Variants in SERPIND1 observed in about 807,000 individuals in gnomAD.
The protein encoded by SERPIND1 is serpin family D member 1, also known as heparin cofactor 2.
A neutral mutation model predicts 35.0 loss-of-function variants in SERPIND1; 34 were observed. That is an observed-to-expected ratio of 0.97 (90% CI 0.74 to 1.29). The LOEUF is 1.29. Among genes scored for constraint, SERPIND1 ranks in the 50% most tolerant of loss-of-function variants. The probability of loss-of-function intolerance (pLI) is 0.00; values close to 1 mark genes in which losing one functional copy is unlikely to be tolerated. For missense variants in SERPIND1, 633 were observed against 637.7 expected (o/e 0.99, Z 0.08); for synonymous variants, 236 against 241.1 (o/e 0.98, Z 0.19).
rs773235940 is a variant in SERPIND1 at position 20,780,124 on chromosome 22, A to G, written c.812A>G (p.Lys271Arg). ...KTNNHIMKLTKGLIKDALENI... is the reference protein window; with the variant it reads ...KTNNHIMKLTRGLIKDALENI... ...AACAACCACATCATGAAGCTCACCA[A>G]GGGCCTCATAAAAGATGCTCTGGAG... The change falls in exon 2 of 5, where the codon AAG becomes AGG. Residue 271 changes from lysine to arginine, a missense_variant. Coordinates refer to ENST00000215727, the MANE Select transcript of SERPIND1 (RefSeq NM_000185.4). The G allele has an allele frequency of 3.7e-6, 6 of 1,614,200 alleles. No individual in the cohort carries two copies. Among genetic ancestry groups the G allele is most frequent in the Non-Finnish European group, 5.1e-6 (6 of 1,180,026 alleles).
At chr22:20,783,924 T>G in intron 2 of SERPIND1, 48 bp from the exon 3 acceptor site, 1 of 1,613,142 alleles carries the variant, frequency 6.2e-7, no homozygotes, top group Non-Finnish European at 8.5e-7. Flanking sequence ...TGAGACGATT[T>G]CCCTAAAGGA....
In SERPIND1 at chr22:20,780,008, C is replaced by A; in HGVS notation, c.696C>A (p.Ile232=). 4 of 1,614,152 alleles carry A rather than the reference C, an allele frequency of 2.5e-6. No homozygotes were observed. Among genetic ancestry groups the A allele is most frequent in the Non-Finnish European group, 3.4e-6 (4 of 1,180,030 alleles). ...TTTATATCCAGAAGCAGTTTCCAAT[C>A]CTGCTTGACTTCAAAACTAAAGTAA... is the stretch of plus-strand genomic sequence containing the variant. ...NDLYIQKQFP[I]LLDFKTKVRE... Residue 232 remains isoleucine (I), a synonymous_variant, in exon 2 of 5, where the codon ATC becomes ATA. Transcript: ENST00000215727.
Position 20,784,087 on chromosome 22 carries a change from A to G in SERPIND1, c.1005A>G (p.Ala335=). ...AGACCAAGGGGAACTTCCTCGCAGC[A>G]AATGACCAGGAGCTGGACTGCGACA... is the stretch of plus-strand genomic sequence containing the variant. The part of the protein sequence containing the change: ...MMQTKGNFLA[A]NDQELDCDIL... Residue 335 remains alanine (A), a synonymous_variant, in exon 3 of 5, where the codon GCA becomes GCG. Transcript: ENST00000215727. 1 of 1,614,204 alleles carries G rather than the reference A, an allele frequency of 6.2e-7. No homozygotes were observed. Among genetic ancestry groups the G allele is most frequent in the Non-Finnish European group, 8.5e-7 (1 of 1,180,038 alleles).
In SERPIND1 at chr22:20,781,446, T is replaced by C. The variant is rs569100896; in HGVS notation, c.889+1245T>C. ...TTCTGCTAGTTAGCTCCCGTGGTTTTATAGCAGCCCAGGCGAAGGAAGGAG... is the reference window on the plus strand; with the variant it reads ...TTCTGCTAGTTAGCTCCCGTGGTTTCATAGCAGCCCAGGCGAAGGAAGGAG... On this transcript the variant is annotated intron_variant, in intron 2 of 4. Transcript: ENST00000215727. Among the ~76,000 whole-genome samples the C allele has an allele frequency of 1.7e-3, 253 of 152,348 alleles. 9 individuals carry two copies. The South Asian group carries it at 0.051, about 31-fold the overall frequency.
At position 20,779,497 on chromosome 22, in the gene SERPIND1, A is replaced by G. The variant is rs1433640075; in HGVS notation, c.185A>G (p.Glu62Gly). 6.2e-7 allele frequency: 1 copy of G among 1,614,140 alleles called. No individual in the cohort carries two copies. The highest frequency in any genetic ancestry group is 1.1e-5 in the South Asian group (1 of 91,088). Residue 62 changes from glutamate to glycine, a missense_variant, in exon 2 of 5, where the codon GAA becomes GGA. Glu to Gly is a moderately conservative substitution (Grantham distance 98). Coordinates refer to ENST00000215727, the MANE Select transcript of SERPIND1 (RefSeq NM_000185.4). ...MPLLPADFHK[E>G]NTVTNDWIPE... ...CTTCTCCCTGCCGACTTCCACAAGG[A>G]AAACACCGTCACCAACGACTGGATT...
chr22:20,776,685 C>T (rs1488171341), intron 1 of SERPIND1, among the ~76,000 whole-genome samples: 1 of 152,136 alleles, frequency 6.6e-6, no homozygotes, highest in Admixed American at 6.5e-5. Context: ...AGAGGCTTAA[C>T]CAACTTGGTT....
chr22:20,777,272 A>G (rs1933373385), intron 1 of SERPIND1, among the ~76,000 whole-genome samples: 3 of 150,168 alleles, frequency 2.0e-5, no homozygotes, highest in African/African-American at 7.4e-5. Flanking sequence ...GCTGGAGTGC[A>G]ATGGTGCGAT....
At position 20,786,073 on chromosome 22, in the gene SERPIND1, G is replaced by A. The variant is rs150163414; in HGVS notation, c.1233G>A (p.Leu411=). ...ACAATCTAGTGGAGTCCCTGAAGTT[G>A]ATGGGGATCAGGATGCTGTTTGACA... is the stretch of plus-strand genomic sequence containing the variant. ...KNYNLVESLK[L]MGIRMLFDKN... is the part of the protein sequence containing the mutation. Residue 411 remains leucine, a synonymous_variant, in exon 4 of 5, where the codon TTG becomes TTA. Transcript: ENST00000215727. 1.2e-5 allele frequency: 20 copies of A among 1,614,008 alleles called. No individual in the cohort carries two copies. The highest frequency in any genetic ancestry group is 1.6e-4 in the Middle Eastern group (1 of 6,084).
chr22:20,786,707 C>T (rs1329860966), intron 4 of SERPIND1, among the ~76,000 whole-genome samples, 168 bp from the exon 5 acceptor site: 1 of 152,124 alleles, frequency 6.6e-6, no homozygotes, highest in African/African-American at 2.4e-5. Context: ...GCAACGGCTG[C>T]CCCTGACAGG....
chr22:20,776,225 G>A (rs1933260681), intron 1 of SERPIND1, among the ~76,000 whole-genome samples: 1 of 152,148 alleles, frequency 6.6e-6, no homozygotes, highest in Admixed American at 6.5e-5. Flanking sequence ...TCAAAAGGCT[G>A]AGGTGGGAGG....
chr22:20,774,426 G>T (rs1264207451), intron 1 of SERPIND1, among the ~76,000 whole-genome samples: 1 of 152,204 alleles, frequency 6.6e-6, no homozygotes, highest in Non-Finnish European at 1.5e-5. Context: ...TTATGTATGA[G>T]AATATCCTTG....
At chr22:20,781,979 G>A (rs544843520) in intron 2 of SERPIND1, among the ~76,000 whole-genome samples, 1 of 152,220 alleles carries the variant, frequency 6.6e-6, no homozygotes, top group African/African-American at 2.4e-5. Flanking sequence ...CAGCGAATTT[G>A]AGGGAATGAA....
At chr22:20,785,351 G>A (rs1934135380) in intron 3 of SERPIND1, among the ~76,000 whole-genome samples, 1 of 152,328 alleles carries the variant, frequency 6.6e-6, no homozygotes, top group South Asian at 2.1e-4. Flanking sequence ...ATTAACAGGC[G>A]TGAGCCGCTG....
rs894042547 is a variant in SERPIND1, at chr22:20,779,785, T to C, written c.473T>C (p.Ile158Thr). The change falls in exon 2 of 5, where the codon ATT becomes ACT. Residue 158 changes from isoleucine to threonine, a missense_variant. Transcript: ENST00000215727. ...FDNIFIAPVG[I>T]STAMGMISLG... ...AACATCTTCATAGCACCCGTTGGCA[T>C]TTCTACTGCGATGGGTATGATTTCC... The C allele has an allele frequency of 1.9e-6, 3 of 1,614,120 alleles. No individual in the cohort carries two copies. The highest frequency in any genetic ancestry group is 1.6e-4 in the Middle Eastern group (1 of 6,084).
In SERPIND1 at chr22:20,779,686, G is replaced by A. The variant is rs764489942; in HGVS notation, c.374G>A (p.Arg125His). Reference sequence around the variant, plus strand: ...TTTCATGGCAAGAGCCGGATCCAGCGTCTTAACATCCTCAACGCCAAGTTC... The same window carrying A: ...TTTCATGGCAAGAGCCGGATCCAGCATCTTAACATCCTCAACGCCAAGTTC... ...QLFHGKSRIQRLNILNAKFAF... is the reference protein window; with the variant it reads ...QLFHGKSRIQHLNILNAKFAF... Residue 125 changes from arginine (R) to histidine (H), a missense_variant, in exon 2 of 5, where the codon CGT becomes CAT. Transcript: ENST00000215727. 30 of 1,614,100 alleles carry A rather than the reference G, an allele frequency of 1.9e-5. No homozygotes were observed. Among genetic ancestry groups the A allele is most frequent in the South Asian group, 7.7e-5 (7 of 91,092 alleles).
intron 1 of SERPIND1, among the ~76,000 whole-genome samples, 163 bp downstream of exon 1, chr22:20,774,308 T>C (rs1422969437): frequency 6.6e-6 from 1 of 152,250 alleles, no homozygotes; most frequent in African/African-American, 2.4e-5. Flanking sequence ...TATAAAATTG[T>C]GTCAGTTCCA....
At chr22:20,785,966 T>G in intron 3 of SERPIND1, 38 bp from the exon 4 acceptor site, 1 of 1,614,018 alleles carries the variant, frequency 6.2e-7, no homozygotes, top group Non-Finnish European at 8.5e-7. Flanking sequence ...TAACTTGTGG[T>G]TCAATAAAAC....
At position 20,787,034 on chromosome 22, in the gene SERPIND1, A is replaced by G. The variant is rs773287877; in HGVS notation, c.1468A>G (p.Met490Val). 3 of 1,613,890 alleles carry G rather than the reference A, an allele frequency of 1.9e-6. No homozygotes were observed. The highest frequency in any genetic ancestry group is 1.1e-5 in the South Asian group (1 of 91,076). Reference protein sequence around the residue: ...YEHRTSCLLFMGRVANPSRS With the variant: ...YEHRTSCLLFVGRVANPSRS ...GCATCGCACCAGCTGCCTGCTCTTC[A>G]TGGGAAGAGTGGCCAACCCCAGCAG... Residue 490 changes from methionine (M) to valine (V), a missense_variant, in exon 5 of 5, where the codon ATG becomes GTG. Met to Val is a conservative substitution (Grantham distance 21). Transcript: ENST00000215727.
chr22:20,783,092 G>A (rs1166422716), intron 2 of SERPIND1, among the ~76,000 whole-genome samples: 2 of 152,256 alleles, frequency 1.3e-5, no homozygotes, highest in Admixed American at 6.5e-5. Flanking sequence ...GAAAGGTGCT[G>A]AGAAGAATGC....
Sources: allele counts gnomAD v4.1 joint callset (sites outside exome capture counted in the v4.1 genomes callset), GRCh38; gene constraint gnomAD v4.1.1; transcripts MANE v1.5; gene names NCBI Gene and HGNC (gene_info 2026-07-23, HGNC 2026-07-21).